Variants in SLCO3A1 observed in about 807,000 individuals in gnomAD.
SLCO3A1 encodes PGE1 transporter.
In SLCO3A1, 27 loss-of-function variants were observed where a neutral mutation model predicts 63.1. The observed-to-expected ratio is 0.43, with a 90% confidence interval of 0.32 to 0.59. The LOEUF (loss-of-function observed/expected upper bound fraction) is 0.59, where lower values mean the gene tolerates loss of function less well. SLCO3A1 is among the 20% of genes least tolerant of loss of function. The probability of loss-of-function intolerance (pLI) is 0.09; values close to 1 mark genes in which losing one functional copy is unlikely to be tolerated. For missense variants in SLCO3A1, 773 were observed against 945.8 expected, an observed-to-expected ratio of 0.82 and a Z score of 2.40; for synonymous variants, 473 against 409.9, an observed-to-expected ratio of 1.15 and a Z score of -1.86.
In SLCO3A1 at chr15:91,854,958, C is replaced by G. The variant is rs1896876791; in HGVS notation, c.180+870C>G. ...TACTTTGTCGCTTTCGCCTCCTCTG[C>G]TCAGGTGGTCGCAACTTGAGTTCCA... On this transcript the variant is annotated intron_variant, in intron 1 of 9. Coordinates refer to ENST00000318445, the MANE Select transcript of SLCO3A1 (RefSeq NM_013272.4). The surrounding 1 kb of genome is among the most constrained non-coding windows in gnomAD (Gnocchi z 6.4). 6.6e-6 allele frequency among the ~76,000 whole-genome samples: 1 copy of G among 152,176 alleles called. No individual in the cohort carries two copies. The highest frequency in any genetic ancestry group is 2.4e-5 in the African/African-American group (1 of 41,428).
Position 91,854,390 on chromosome 15 carries a change from C to A in SLCO3A1, c.180+302C>A. 9.5e-7 allele frequency: 1 copy of A among 1,054,274 alleles called. No individual in the cohort carries two copies. The highest frequency in any genetic ancestry group is 1.1e-6 in the Non-Finnish European group (1 of 872,834). The allele number at this position is 1,054,274 out of a possible 1,614,324, so 65.3% of individuals were successfully genotyped here. ...TGGGCGTGAAACTATTCCTCTCCCC[C>A]CATAAGAGCGGAGCGAGACGGTGAG... On this transcript the variant is annotated intron_variant, in intron 1 of 9. Transcript: ENST00000318445. This position sits in a 1 kb window ranked among gnomAD's most constrained non-coding sequence, Gnocchi z 6.4.
chr15:92,018,399 C>T (rs560691070), intron 2 of SLCO3A1, among the ~76,000 whole-genome samples: 2 of 152,150 alleles, frequency 1.3e-5, no homozygotes, highest in Non-Finnish European at 2.9e-5. Flanking sequence ...CGTGGTCACA[C>T]CTCCACAGAA....
intron 7 of SLCO3A1, among the ~76,000 whole-genome samples, chr15:92,131,051 C>G (rs1179733763): frequency 6.6e-6 from 1 of 152,120 alleles, no homozygotes; most frequent in Non-Finnish European, 1.5e-5. Flanking sequence ...TGTATATTAT[C>G]TCATTGATCC....
chr15:91,941,488 C>T lies in SLCO3A1; in HGVS notation c.646+25030C>T. On this transcript the variant is annotated intron_variant, in intron 2 of 9. Transcript: ENST00000318445. This position sits in a 1 kb window ranked among gnomAD's most constrained non-coding sequence, Gnocchi z 4.4. ...GGGAAGGACAAACTTCAACTCTGAGCCTTGATTGAGTGACCTTGGCCAAGT... is the reference window on the plus strand; with the variant it reads ...GGGAAGGACAAACTTCAACTCTGAGTCTTGATTGAGTGACCTTGGCCAAGT... 1 of 454,474 alleles carries T rather than the reference C, an allele frequency of 2.2e-6. No individual in the cohort carries two copies. Among genetic ancestry groups the T allele is most frequent in the Admixed American group, 2.4e-5 (1 of 42,150 alleles). 28.2% of individuals were successfully genotyped at this position (454,474 alleles called of 1,614,324 possible). A position where few individuals can be genotyped will look rare whatever the true frequency, so the allele number is the denominator to read the frequency against.
At chr15:91,927,222 C>T (rs1035663572) in intron 2 of SLCO3A1, among the ~76,000 whole-genome samples, 10 of 152,078 alleles carry the variant, frequency 6.6e-5, no homozygotes, top group Non-Finnish European at 1.5e-4. Flanking sequence ...TCAGCCTAAC[C>T]GTGGGTGTTT....
intron 2 of SLCO3A1, among the ~76,000 whole-genome samples, chr15:92,007,990 A>C (rs1215921888): frequency 6.6e-6 from 1 of 152,186 alleles, no homozygotes; most frequent in Non-Finnish European, 1.5e-5. Context: ...TCGAACCTAC[A>C]GGTCAAATGT....
At chr15:91,951,984 C>T (rs181296605) in intron 2 of SLCO3A1, among the ~76,000 whole-genome samples, 6 of 152,270 alleles carry the variant, frequency 3.9e-5, no homozygotes, top group Admixed American at 2.6e-4. Context: ...TCTTCCAAAG[C>T]GACTGCACCA....
At chr15:92,114,511 G>A (rs865822225) in intron 4 of SLCO3A1, among the ~76,000 whole-genome samples, 7 of 152,160 alleles carry the variant, frequency 4.6e-5, no homozygotes, top group Non-Finnish European at 7.3e-5. Flanking sequence ...CAACCAACTC[G>A]GTGGTTGCTA....
At chr15:92,101,986 T>C (rs1596102746) in intron 3 of SLCO3A1, among the ~76,000 whole-genome samples, 1 of 152,166 alleles carries the variant, frequency 6.6e-6, no homozygotes, top group East Asian at 1.9e-4. Flanking sequence ...GGTTGTTTTC[T>C]CACACTTAGA....
intron 2 of SLCO3A1, among the ~76,000 whole-genome samples, chr15:91,953,364 C>T (rs1202596262): frequency 6.6e-6 from 1 of 152,120 alleles, no homozygotes; most frequent in African/African-American, 2.4e-5. Flanking sequence ...CTTGTGTTCT[C>T]CCAGGAGACA....
At chr15:92,141,329 T>C (rs1817163038) in intron 7 of SLCO3A1, among the ~76,000 whole-genome samples, 1 of 152,230 alleles carries the variant, frequency 6.6e-6, no homozygotes, top group Non-Finnish European at 1.5e-5. Flanking sequence ...GTATGCTTTC[T>C]TACTAGTTAA....
intron 2 of SLCO3A1, among the ~76,000 whole-genome samples, chr15:91,923,709 A>G (rs559855802): frequency 2.6e-5 from 4 of 152,250 alleles, no homozygotes; most frequent in Non-Finnish European, 4.4e-5. Context: ...CCAGATACCT[A>G]TAGAAAATTA....
intron 1 of SLCO3A1, among the ~76,000 whole-genome samples, chr15:91,880,380 CTT>C (rs1897541116): frequency 2.0e-5 from 1 of 50,282 alleles, no homozygotes; most frequent in African/African-American, 1.3e-4. Flanking sequence ...GGCACTCGTG[CTT>C]CTCTCTCTCT....
At chr15:92,094,413 A>G (rs1392632910) in intron 2 of SLCO3A1, among the ~76,000 whole-genome samples, 2 of 152,240 alleles carry the variant, frequency 1.3e-5, no homozygotes, top group East Asian at 1.9e-4. Context: ...TATATTTGAA[A>G]ATAATTTGTG....
intron 2 of SLCO3A1, among the ~76,000 whole-genome samples, chr15:92,017,729 G>A (rs913399308): frequency 6.6e-6 from 1 of 152,152 alleles, no homozygotes; most frequent in Non-Finnish European, 1.5e-5. Context: ...AGTTCACAGG[G>A]ATGAGCGAAA....
intron 2 of SLCO3A1, among the ~76,000 whole-genome samples, chr15:91,959,560 T>A (rs187590110): frequency 1.3e-5 from 2 of 151,564 alleles, no homozygotes; most frequent in Admixed American, 1.3e-4. Context: ...TGAAACCCCA[T>A]CTCTCCTAAA....
chr15:91,895,180 A>G (rs979737784), intron 1 of SLCO3A1, among the ~76,000 whole-genome samples: 4 of 152,222 alleles, frequency 2.6e-5, no homozygotes, highest in Admixed American at 6.5e-5. Context: ...GCGTGAAGGC[A>G]GTGTGACTCC....
intron 9 of SLCO3A1, chr15:92,151,235 A>C: frequency 2.2e-6 from 1 of 462,432 alleles, no homozygotes. Flanking sequence ...TCTTATCTTC[A>C]CGCCACCGTG....
exon 11 of SLCO3A1, chr15:92,171,798 T>A (rs142022814): frequency 6.4e-7 from 1 of 1,551,312 alleles, no homozygotes; most frequent in Non-Finnish European, 8.7e-7. Context: ...TACCAAGACA[T>A]TGAGACTGAG....
Sources: gnomAD v4.1 joint callset for allele counts (sites outside exome capture counted in the v4.1 genomes callset) on GRCh38, gnomAD v4.1.1 for gene constraint, Gnocchi (gnomAD v3.1) non-coding constraint, MANE v1.5 for transcripts, NCBI Gene and HGNC (gene_info 2026-07-23, HGNC 2026-07-21) for gene names.